The following PTGIR variants were observed in gnomAD, a reference collection of about 807,000 sequenced individuals.
PTGIR encodes prostaglandin I2 receptor, also known as prostacyclin receptor.
Under a neutral mutation model 17.6 loss-of-function variants are expected in PTGIR, and 16 were observed. The observed-to-expected ratio is 0.91, with a 90% CI of 0.61 to 1.38. The LOEUF (loss-of-function observed/expected upper bound fraction) is 1.38. PTGIR is among the 40% of genes most tolerant of loss of function. The pLI is 0.00. For missense variants in PTGIR, 532 were observed against 548.6 expected (o/e 0.97, Z 0.30); for synonymous variants, 274 against 255.4 (o/e 1.07, Z -0.69).
chr19:46,619,592 A>AAAGGAAAGAATG (rs1568675739), downstream of PTGIR, among the ~76,000 whole-genome samples: 1 of 112,394 alleles, frequency 8.9e-6, no homozygotes, highest in Non-Finnish European at 1.8e-5. Flanking sequence ...AGAAAGAAAG[A>AAAGGAAAGAATG]AAAGAAAGAA....
At chr19:46,619,519 A>G (rs142522476), downstream of PTGIR, among the ~76,000 whole-genome samples, 171 of 48,736 alleles carry the variant, frequency 3.5e-3, 1 homozygote, top group South Asian at 9.3e-3. Flanking sequence ...GAAAGAAAGA[A>G]AGAAAGAAAG....
chr19:46,623,617 G>A lies in PTGIR; in HGVS notation c.609C>T (p.Asn203=), dbSNP rs202111426. The A allele has an allele frequency of 6.5e-6, 10 of 1,549,608 alleles. No individual in the cohort carries two copies. Among genetic ancestry groups the A allele is most frequent in the East Asian group, 2.4e-5 (1 of 41,156 alleles). ...GGCAGAGGCTGAGGGTGACCGAGCC[G>A]TTGCAGAGGAAGATGGCAGCCACCA... ...ALLVAAIFLC[N]GSVTLSLCRM... is the part of the protein sequence containing the mutation. Residue 203 remains asparagine, a synonymous_variant, in exon 2 of 3, where the codon AAC becomes AAT. Transcript: ENST00000291294.
At chr19:46,619,535 AAGAAAGAAAGAAAGAGAG>A (rs1344360650), downstream of PTGIR, among the ~76,000 whole-genome samples, 56 of 66,536 alleles carry the variant, frequency 8.4e-4, 1 homozygote, top group South Asian at 2.4e-3. Context: ...GAAAGAAAGA[AAGAAAGAAAGAAAGAGAG>A]AGAGAGAGAG....
chr19:46,617,111 C>T (rs1971973256), downstream of PTGIR, among the ~76,000 whole-genome samples: 1 of 152,372 alleles, frequency 6.6e-6, no homozygotes, highest in East Asian at 1.9e-4. Flanking sequence ...CCCAAAATGT[C>T]ACGGCCTCTT....
rs10422782 is a variant in PTGIR, at chr19:46,621,217, C to G, written c.*63G>C. On this transcript the variant is annotated 3_prime_UTR_variant, in exon 3 of 3. Transcript: ENST00000291294. The surrounding 1 kb of genome is among the most constrained non-coding windows in gnomAD (Gnocchi z 4.8). ...CAGCATCCGCAGCCATCAGCCATGTCCCTGATTTTCTGGCTCCTGTCGCCC... is the reference window on the plus strand; with the variant it reads ...CAGCATCCGCAGCCATCAGCCATGTGCCTGATTTTCTGGCTCCTGTCGCCC... 775 of 1,471,660 alleles carry G rather than the reference C, an allele frequency of 5.3e-4. 6 individuals are homozygous for G. In the African/African-American group the frequency reaches 9.9e-3, roughly 19 times the overall value. 91.2% of individuals were successfully genotyped at this position (1,471,660 alleles called of 1,614,324 possible).
downstream of PTGIR, among the ~76,000 whole-genome samples, chr19:46,616,621 C>T (rs757489380): frequency 2.0e-5 from 3 of 152,096 alleles, no homozygotes; most frequent in East Asian, 1.9e-4. Flanking sequence ...CATGAGCCAC[C>T]GCACCTGGCC....
chr19:46,624,266 A>AG, intron 1 of PTGIR, 29 bp from the exon 2 acceptor site: 1 of 1,415,082 alleles, frequency 7.1e-7, no homozygotes, highest in Non-Finnish European at 9.2e-7. Context: ...GGGGGGTCAG[A>AG]GGGAGCCAGG....
At position 46,621,963 on chromosome 19, in the gene PTGIR, C is replaced by G; in HGVS notation, c.769-291G>C. The G allele has an allele frequency of 2.5e-6, 3 of 1,213,716 alleles. No individual in the cohort carries two copies. Among genetic ancestry groups the G allele is most frequent in the Non-Finnish European group, 3.1e-6 (3 of 972,888 alleles). 75.2% of individuals were successfully genotyped at this position (1,213,716 alleles called of 1,614,324 possible). A position where few individuals can be genotyped will look rare whatever the true frequency, so the allele number is the denominator to read the frequency against. On this transcript the variant is annotated intron_variant, in intron 2 of 2. Coordinates refer to ENST00000291294, the MANE Select transcript of PTGIR (RefSeq NM_000960.4). The surrounding 1 kb of genome is among the most constrained non-coding windows in gnomAD (Gnocchi z 4.8). ...TCCACAGATTTTTGAGTATAACGTCCCTGCAAGAAGGTGGCGCCACCCGGC... is the reference window on the plus strand; with the variant it reads ...TCCACAGATTTTTGAGTATAACGTCGCTGCAAGAAGGTGGCGCCACCCGGC...
intron 2 of PTGIR, chr19:46,622,399 G>C (rs948007340): frequency 1.0e-6 from 1 of 985,288 alleles, no homozygotes; most frequent in African/African-American, 1.7e-5. Context: ...AACGGGGATG[G>C]GAGAGAACGT....
chr19:46,624,500 G>C (rs1002127076), intron 1 of PTGIR: 20 of 357,998 alleles, frequency 5.6e-5, no homozygotes, highest in Middle Eastern at 7.5e-4. Flanking sequence ...TGTTGTCCAG[G>C]ATGGAGAGCA....
chr19:46,611,471 CAG>C, the PTGIR span, among the ~76,000 whole-genome samples: 1 of 152,310 alleles, frequency 6.6e-6, no homozygotes, highest in South Asian at 2.1e-4. Flanking sequence ...GCACGGGACT[CAG>C]TGTTGGTTTG....
chr19:46,624,622 T>C (rs1599775382), intron 1 of PTGIR: 2 of 162,612 alleles, frequency 1.2e-5, no homozygotes, highest in African/African-American at 4.8e-5. Flanking sequence ...GCCCAGCTAA[T>C]TTTTGTATTT....
chr19:46,620,612 C>CA lies in PTGIR; in HGVS notation c.*667_*668insT. Reference sequence around the variant, plus strand: ...TCCATCTGTCTCCCCACCACCTGCACCCCCCCAGTTCTCATCTTGCAGCCA... The same window carrying CA: ...TCCATCTGTCTCCCCACCACCTGCACACCCCCCAGTTCTCATCTTGCAGCCA... On this transcript the variant is annotated 3_prime_UTR_variant, in exon 3 of 3. Coordinates refer to ENST00000291294, the MANE Select transcript of PTGIR (RefSeq NM_000960.4). 1.1e-6 allele frequency: 1 copy of CA among 925,806 alleles called. No individual in the cohort carries two copies. Among genetic ancestry groups the CA allele is most frequent in the Non-Finnish European group, 1.3e-6 (1 of 799,530 alleles). The allele number at this position is 925,806 out of a possible 1,614,324, so 57.3% of individuals were successfully genotyped here.
At chr19:46,622,076 A>C (rs2052735699) in intron 2 of PTGIR, 8 of 985,420 alleles carry the variant, frequency 8.1e-6, no homozygotes, top group Non-Finnish European at 9.6e-6. Context: ...AGTAACCCCC[A>C]AAAAAGATTT....
chr19:46,617,550 T>C (rs1423044775), downstream of PTGIR, among the ~76,000 whole-genome samples: 1 of 151,852 alleles, frequency 6.6e-6, no homozygotes, highest in African/African-American at 2.4e-5. Context: ...ATCTGAAAAA[T>C]GGGAATGAGA....
chr19:46,623,403 C>A, intron 2 of PTGIR, 55 bp downstream of exon 2: 2 of 1,458,604 alleles, frequency 1.4e-6, no homozygotes, highest in Non-Finnish European at 1.8e-6. Flanking sequence ...TGGGCACAAC[C>A]CACAGAGCTG....
chr19:46,616,415 C>T (rs151307351), downstream of PTGIR, among the ~76,000 whole-genome samples: 3,339 of 144,728 alleles, frequency 0.023, 110 homozygotes, highest in African/African-American at 0.078. Context: ...CTCACTGCAA[C>T]CTCTGCCTCC....
At chr19:46,618,014 AT>A (rs56961349), downstream of PTGIR, among the ~76,000 whole-genome samples, 1,369 of 112,736 alleles carry the variant, frequency 0.012, 39 homozygotes, top group African/African-American at 0.037. Flanking sequence ...AATTTTTGTA[AT>A]TTTTTTTTTT....
the PTGIR span, among the ~76,000 whole-genome samples, chr19:46,611,979 C>T: frequency 6.6e-6 from 1 of 152,216 alleles, no homozygotes; most frequent in Non-Finnish European, 1.5e-5. Flanking sequence ...CAGGGCCCTC[C>T]TTGTGGCAGA....
Sources: gnomAD v4.1 joint callset for allele counts (sites outside exome capture counted in the v4.1 genomes callset) on GRCh38, gnomAD v4.1.1 for gene constraint, Gnocchi (gnomAD v3.1) non-coding constraint, MANE v1.5 for transcripts, NCBI Gene and HGNC (gene_info 2026-07-23, HGNC 2026-07-21) for gene names.